Variants in C4orf36 observed in about 807,000 individuals in gnomAD.
C4orf36 encodes the protein chromosome 4 open reading frame 36, also known as uncharacterized protein C4orf36.
Under a neutral mutation model 12.2 loss-of-function variants are expected in C4orf36, and 11 were observed. The ratio of observed to expected loss-of-function variants is 0.90; its 90% CI spans 0.57 to 1.49. The LOEUF (loss-of-function observed/expected upper bound fraction) is 1.49. Ranked by LOEUF, C4orf36 falls within the 40% of genes most tolerant of loss-of-function variation. The probability of loss-of-function intolerance (pLI) is 0.00; values close to 1 mark genes in which losing one functional copy is unlikely to be tolerated. For missense variants in C4orf36, 137 were observed against 133.9 expected, an observed-to-expected ratio of 1.02 and a Z score of -0.11; for synonymous variants, 54 against 51.3, an observed-to-expected ratio of 1.05 and a Z score of -0.22.
At chr4:86,908,470 A>G in the C4orf36 span, among the ~76,000 whole-genome samples, 2 of 144,286 alleles carry the variant, frequency 1.4e-5, no homozygotes, top group African/African-American at 5.1e-5. Context: ...TTTTTTTGGA[A>G]TGTGCCTTGT....
intron 4 of C4orf36, among the ~76,000 whole-genome samples, chr4:86,877,135 G>A (rs1746944925): frequency 6.6e-6 from 1 of 152,162 alleles, no homozygotes; most frequent in Non-Finnish European, 1.5e-5. Flanking sequence ...CAAAACATAT[G>A]TTGATACAGC....
chr4:86,881,648 T>C (rs1027695529), intron 4 of C4orf36, among the ~76,000 whole-genome samples: 2 of 152,084 alleles, frequency 1.3e-5, no homozygotes, highest in East Asian at 3.9e-4. Flanking sequence ...AAGTGCATTC[T>C]ATTGTGGATC....
At chr4:86,934,991 GC>G in the C4orf36 span, 12 of 151,936 alleles carry the variant, frequency 7.9e-5, no homozygotes, top group Non-Finnish European at 1.3e-4. Context: ...GTCCCGGGCA[GC>G]CGGCGTGCTG....
chr4:86,927,925 G>C, the C4orf36 span, among the ~76,000 whole-genome samples: 1 of 152,200 alleles, frequency 6.6e-6, no homozygotes, highest in African/African-American at 2.4e-5. Context: ...TCTGAGAGTG[G>C]AGGTTGCTGT....
At chr4:86,929,965 C>A in the C4orf36 span, among the ~76,000 whole-genome samples, 1 of 152,160 alleles carries the variant, frequency 6.6e-6, no homozygotes, top group Non-Finnish European at 1.5e-5. Flanking sequence ...GCCTGTGGGA[C>A]AACCACATGG....
intron 4 of C4orf36, chr4:86,887,523 C>T (rs1453614235): frequency 7.3e-6 from 3 of 408,382 alleles, no homozygotes; most frequent in Non-Finnish European, 1.3e-5. Flanking sequence ...AACGACTCAA[C>T]TCCAAATGCA....
the C4orf36 span, chr4:86,925,014 G>C: frequency 1.3e-5 from 2 of 152,174 alleles, no homozygotes; most frequent in Non-Finnish European, 2.9e-5. Flanking sequence ...GAGAGAAAGA[G>C]AGGAAGTGCC....
upstream of C4orf36, among the ~76,000 whole-genome samples, chr4:86,895,702 A>G (rs1747574379): frequency 1.3e-5 from 2 of 152,058 alleles, no homozygotes; most frequent in Admixed American, 1.3e-4. Flanking sequence ...TGAAATATCA[A>G]ATTCTTTCTA....
rs59844691 is a variant in C4orf36 at position 86,878,095 on chromosome 4, A to T, written c.*3-1652T>A. The stretch of plus-strand genomic sequence containing the variant: ...CGAGTTGCATGTGTTTTTTTTTTTC[A>T]TCTTTATTATCAGATTCTCTAAAAA... On this transcript the variant is annotated intron_variant, in intron 4 of 4. Transcript: ENST00000295898. 5.3e-3 allele frequency among the ~76,000 whole-genome samples: 800 copies of T among 149,732 alleles called. 6 individuals carry two copies. The highest frequency in any genetic ancestry group is 0.018 in the African/African-American group (739 of 40,736).
chr4:86,890,622 A>G (rs1401656617), intron 2 of C4orf36, among the ~76,000 whole-genome samples: 1 of 152,178 alleles, frequency 6.6e-6, no homozygotes, highest in Non-Finnish European at 1.5e-5. Context: ...TGAATTTCTT[A>G]TAGCTCTGGT....
the C4orf36 span, among the ~76,000 whole-genome samples, chr4:86,920,845 T>C: frequency 7.6e-4 from 116 of 152,180 alleles, no homozygotes; most frequent in African/African-American, 2.6e-3. Context: ...AAGTTTCCAA[T>C]ATATGGCCGG....
chr4:86,888,553 A>T (rs1016591226), intron 2 of C4orf36, among the ~76,000 whole-genome samples: 2 of 152,168 alleles, frequency 1.3e-5, no homozygotes, highest in African/African-American at 4.8e-5. Context: ...ATGTAAGAGG[A>T]TGTAGATAAG....
In C4orf36 at chr4:86,888,122, T is replaced by C. The variant is rs1326925657; in HGVS notation, c.219A>G (p.Glu73=). Reference sequence around the variant, plus strand: ...TAAAGCAGAACTTAAGGAACTTACATTCTGCAGAAGGGAGCAGTCCATCTT... The same window carrying C: ...TAAAGCAGAACTTAAGGAACTTACACTCTGCAGAAGGGAGCAGTCCATCTT... ...TIKDGLLPSA[E]SIKLEREYEV... Residue 73 remains glutamate (E), a splice_region_variant and synonymous_variant, in exon 3 of 5, where the codon GAA becomes GAG. Coordinates refer to ENST00000295898, the MANE Select transcript of C4orf36 (RefSeq NM_144645.4). The C allele has an allele frequency of 6.2e-7, 1 of 1,608,218 alleles. No individual in the cohort carries two copies.
At position 86,876,378 on chromosome 4, in the gene C4orf36, G is replaced by A. The variant is rs938539407; in HGVS notation, c.*68C>T. 28 of 1,603,456 alleles carry A rather than the reference G, an allele frequency of 1.7e-5. No homozygotes were observed. The highest frequency in any genetic ancestry group is 4.0e-5 in the African/African-American group (3 of 74,786). On this transcript the variant is annotated 3_prime_UTR_variant, in exon 5 of 5. Coordinates refer to ENST00000295898, the MANE Select transcript of C4orf36 (RefSeq NM_144645.4). ...GGCCGGGGCCGGGAGCGGGTCCTGG[G>A]CGGCCCAGGAGAAGCAGTTCCCGCC... is the stretch of plus-strand genomic sequence containing the variant.
the C4orf36 span, chr4:86,914,558 A>C: frequency 2.5e-6 from 1 of 405,522 alleles, no homozygotes; most frequent in Non-Finnish European, 4.5e-6. Context: ...CCGCCACACC[A>C]TGCCTGGCTA....
chr4:86,917,330 TGAAGGAAGGAAGGATG>T, the C4orf36 span, among the ~76,000 whole-genome samples: 1 of 132,188 alleles, frequency 7.6e-6, no homozygotes, highest in Non-Finnish European at 1.6e-5. Context: ...GAGAGAGAGA[TGAAGGAAGGAAGGATG>T]GAAGGAAGGA....
intron 4 of C4orf36, 35 bp downstream of exon 4, chr4:86,887,723 C>A: frequency 6.2e-7 from 1 of 1,612,894 alleles, no homozygotes; most frequent in Non-Finnish European, 8.5e-7. Flanking sequence ...CCTTTGGATG[C>A]AAGACACAGA....
chr4:86,892,281 C>A lies in C4orf36; in HGVS notation c.-172G>T, dbSNP rs924794888. On this transcript the variant is annotated 5_prime_UTR_variant, in exon 1 of 5. Transcript: ENST00000295898. ...CGAGCCGGCGCCGGCGGCCTGGTTACCCGGGCTCCAGGGGCTCGGAGGGTC... is the reference window on the plus strand; with the variant it reads ...CGAGCCGGCGCCGGCGGCCTGGTTAACCGGGCTCCAGGGGCTCGGAGGGTC... 120 of 985,692 alleles carry A rather than the reference C, an allele frequency of 1.2e-4. No homozygotes were observed. Among genetic ancestry groups the A allele is most frequent in the Non-Finnish European group, 1.4e-4 (117 of 830,244 alleles). The allele number at this position is 985,692 out of a possible 1,614,324, so 61.1% of individuals were successfully genotyped here.
the C4orf36 span, among the ~76,000 whole-genome samples, chr4:86,916,521 T>C: frequency 1.3e-5 from 2 of 152,160 alleles, no homozygotes; most frequent in Non-Finnish European, 2.9e-5. Flanking sequence ...GCTGACACTA[T>C]TGCTGAGCAC....
Sources: allele counts gnomAD v4.1 joint callset (sites outside exome capture counted in the v4.1 genomes callset), GRCh38; gene constraint gnomAD v4.1.1; transcripts MANE v1.5; gene names NCBI Gene and HGNC (gene_info 2026-07-23, HGNC 2026-07-21).